Variants in GPRIN3 observed in about 807,000 individuals in gnomAD.
GPRIN3 encodes the protein GPRIN family member 3, also known as G protein-regulated inducer of neurite outgrowth 3.
In GPRIN3, 12 loss-of-function variants were observed where a neutral mutation model predicts 13.7. That is an observed-to-expected ratio of 0.87 (90% CI 0.56 to 1.42). GPRIN3 has a LOEUF of 1.42. GPRIN3 is among the 40% of genes most tolerant of loss of function. The pLI is 0.00. For missense variants in GPRIN3, 1,009 were observed against 958.7 expected, an observed-to-expected ratio of 1.05 and a Z score of -0.69; for synonymous variants, 377 against 372.7, an observed-to-expected ratio of 1.01 and a Z score of -0.13.
chr4:89,248,530 C>T lies in GPRIN3; in HGVS notation c.1581G>A (p.Leu527=). ...TTGCATCTCCTTTATTAGTGGGATCCAAGCTCCCAGAATGATCAGCTTTGC... is the reference window on the plus strand; with the variant it reads ...TTGCATCTCCTTTATTAGTGGGATCTAAGCTCCCAGAATGATCAGCTTTGC... ...SISKADHSGS[L]DPTNKGDARE... Residue 527 remains leucine (L), a synonymous_variant, in exon 2 of 2, where the codon TTG becomes TTA. Transcript: ENST00000609438. 1 of 1,613,324 alleles carries T rather than the reference C, an allele frequency of 6.2e-7. No individual in the cohort carries two copies. Among genetic ancestry groups the T allele is most frequent in the Non-Finnish European group, 8.5e-7 (1 of 1,179,436 alleles).
chr4:89,252,174 T>C (rs7657325), intron 1 of GPRIN3, among the ~76,000 whole-genome samples: 1,935 of 152,184 alleles, frequency 0.013, 34 homozygotes, highest in African/African-American at 0.045. Flanking sequence ...AGTCTCTCCA[T>C]GTTGCCCAGG....
intron 1 of GPRIN3, among the ~76,000 whole-genome samples, chr4:89,277,308 G>A (rs973837201): frequency 4.6e-5 from 7 of 152,184 alleles, no homozygotes; most frequent in African/African-American, 1.7e-4. Context: ...CGAGGCATGA[G>A]TGATGTGCAG....
Position 89,248,729 on chromosome 4 carries a change from C to A in GPRIN3, c.1382G>T (p.Ser461Ile). ...TAKKLAGTNS[S>I]SLKATAIDQI... is the part of the protein sequence containing the mutation. ...GTCAATGGCGGTAGCTTTCAGGGAG[C>A]TAGAATTAGTACCTGCGAGCTTTTT... The change falls in exon 2 of 2, where the codon AGC becomes ATC. Residue 461 changes from serine (S) to isoleucine (I), a missense_variant. By Grantham distance (142) the Ser-to-Ile change is moderately radical. Coordinates refer to ENST00000609438, the MANE Select transcript of GPRIN3 (RefSeq NM_198281.3). The A allele has an allele frequency of 6.2e-7, 1 of 1,614,180 alleles. No individual in the cohort carries two copies. The highest frequency in any genetic ancestry group is 1.1e-5 in the South Asian group (1 of 91,084).
chr4:89,290,839 G>C (rs1724551318), intron 1 of GPRIN3, among the ~76,000 whole-genome samples: 1 of 152,094 alleles, frequency 6.6e-6, no homozygotes, highest in African/African-American at 2.4e-5. Flanking sequence ...GTTGGGGAGA[G>C]ACTGCCGCAT....
intron 1 of GPRIN3, among the ~76,000 whole-genome samples, chr4:89,293,351 T>C (rs936930910): frequency 6.6e-6 from 1 of 152,228 alleles, no homozygotes; most frequent in Admixed American, 6.5e-5. Flanking sequence ...TTCATTCCAG[T>C]TGGCTACAAA....
rs750603293 is a variant in GPRIN3 at position 89,248,863 on chromosome 4, C to T, written c.1248G>A (p.Gly416=). ...RENKLASLPG[G]VLKTSSINLV... is the part of the protein sequence containing the mutation. ...AATTGATTGATGAGGTTTTAAGGAC[C>T]CCACCTGGTAGGCTCGCAAGTTTAT... Residue 416 remains glycine (G), a synonymous_variant, in exon 2 of 2, where the codon GGG becomes GGA. Transcript: ENST00000609438. The T allele has an allele frequency of 6.2e-7, 1 of 1,614,138 alleles. No individual in the cohort carries two copies. The highest frequency in any genetic ancestry group is 1.1e-5 in the South Asian group (1 of 91,090).
At chr4:89,279,805 C>A (rs1724196643) in intron 1 of GPRIN3, among the ~76,000 whole-genome samples, 1 of 152,164 alleles carries the variant, frequency 6.6e-6, no homozygotes, top group African/African-American at 2.4e-5. Flanking sequence ...TTTCTCAGTT[C>A]ATTTCCTAAA....
chr4:89,289,519 C>T (rs1724514495), intron 1 of GPRIN3, among the ~76,000 whole-genome samples: 1 of 152,178 alleles, frequency 6.6e-6, no homozygotes, highest in Non-Finnish European at 1.5e-5. Context: ...CTGTTACACT[C>T]ATATAGCTCT....
chr4:89,249,308 G>T lies in GPRIN3; in HGVS notation c.803C>A (p.Thr268Asn), dbSNP rs1229301199. 3.1e-6 allele frequency: 5 copies of T among 1,613,984 alleles called. No individual in the cohort carries two copies. The Admixed American group carries it at 6.7e-5, about 22-fold the overall frequency. The change falls in exon 2 of 2, where the codon ACC (threonine) becomes AAC (asparagine). Residue 268 changes from threonine (T) to asparagine (N), a missense_variant. Thr to Asn is a moderately conservative substitution (Grantham distance 65). Coordinates refer to ENST00000609438, the MANE Select transcript of GPRIN3 (RefSeq NM_198281.3). ...QGTTSVTPQPTPLTSEPSACP... is the reference protein window; with the variant it reads ...QGTTSVTPQPNPLTSEPSACP... ...TGCCGAAGGTTCGCTAGTGAGGGGG[G>T]TTGGTTGAGGTGTCACAGAAGTTGT...
At chr4:89,304,684 T>C (rs1560488) in intron 1 of GPRIN3, among the ~76,000 whole-genome samples, 121,292 of 152,092 alleles carry the variant, frequency 0.8, 48,557 homozygotes, top group East Asian at 0.99. Flanking sequence ...TTGTTCAGTC[T>C]GTTTTTTACA....
At position 89,262,117 on chromosome 4, in the gene GPRIN3, C is replaced by G. The variant is rs541732461; in HGVS notation, c.-123-11884G>C. On this transcript the variant is annotated intron_variant, in intron 1 of 1. Coordinates refer to ENST00000609438, the MANE Select transcript of GPRIN3 (RefSeq NM_198281.3). ...CTCCAGCCTAGATGACGGAGTGAGACCCAGTCTCAAAAAAAAAAAAAAAAA... is the reference window on the plus strand; with the variant it reads ...CTCCAGCCTAGATGACGGAGTGAGAGCCAGTCTCAAAAAAAAAAAAAAAAA... Among the ~76,000 whole-genome samples the G allele has an allele frequency of 5.1e-3, 725 of 142,992 alleles. 7 individuals are homozygous for G. The highest frequency in any genetic ancestry group is 0.017 in the Middle Eastern group (5 of 286). 93.8% of individuals were successfully genotyped at this position (142,992 alleles called of 152,430 possible). A position where few individuals can be genotyped will look rare whatever the true frequency, so the allele number is the denominator to read the frequency against.
At position 89,249,255 on chromosome 4, in the gene GPRIN3, G is replaced by A. The variant is rs190865809; in HGVS notation, c.856C>T (p.Leu286=). The A allele has an allele frequency of 9.7e-5, 157 of 1,614,114 alleles. 1 individual carries two copies. In the East Asian group the frequency reaches 3.1e-3, roughly 32 times the overall value. ...ACPPGPEKVP[L]PAQRQMSRFK... is the part of the protein sequence containing the mutation. ...CTTGACATCTGACGCTGTGCTGGCA[G>A]CGGCACCTTCTCTGGACCTGGGGGA... Residue 286 remains leucine (L), a synonymous_variant, in exon 2 of 2, where the codon CTG becomes TTG. Transcript: ENST00000609438.
chr4:89,247,584 T>A lies in GPRIN3; in HGVS notation c.*196A>T. The stretch of plus-strand genomic sequence containing the variant: ...AAGCTTGTTTCTCTTTTCTTGTTCC[T>A]TCTTTCAAATTGAAATGACATTTTT... On this transcript the variant is annotated 3_prime_UTR_variant, in exon 2 of 2. Transcript: ENST00000609438. The A allele has an allele frequency of 1.9e-6, 1 of 512,886 alleles. No homozygotes were observed. Among genetic ancestry groups the A allele is most frequent in the Non-Finnish European group, 3.4e-6 (1 of 293,198 alleles). The allele number at this position is 512,886 out of a possible 1,614,324, so 31.8% of individuals were successfully genotyped here.
chr4:89,250,195 T>A lies in GPRIN3; in HGVS notation c.-85A>T, dbSNP rs897762981. 7 of 1,523,212 alleles carry A rather than the reference T, an allele frequency of 4.6e-6. No individual in the cohort carries two copies. Among genetic ancestry groups the A allele is most frequent in the Middle Eastern group, 2.5e-4 (1 of 4,038 alleles). 94.4% of individuals were successfully genotyped at this position (1,523,212 alleles called of 1,614,324 possible). Reference sequence around the variant, plus strand: ...AGGGGAGCGCAGTCAGAGCTCAGAGTGATGACACAGTCAGGGATGATTCCT... The same window carrying A: ...AGGGGAGCGCAGTCAGAGCTCAGAGAGATGACACAGTCAGGGATGATTCCT... On this transcript the variant is annotated 5_prime_UTR_variant, in exon 2 of 2. Transcript: ENST00000609438.
intron 1 of GPRIN3, among the ~76,000 whole-genome samples, chr4:89,297,879 C>T (rs978587441): frequency 2.0e-5 from 3 of 152,104 alleles, no homozygotes; most frequent in Non-Finnish European, 2.9e-5. Context: ...TCTAAAACAG[C>T]GGCCCTTAAG....
intron 1 of GPRIN3, among the ~76,000 whole-genome samples, chr4:89,286,066 T>C (rs909987997): frequency 1.4e-5 from 2 of 140,558 alleles, no homozygotes; most frequent in Non-Finnish European, 3.1e-5. Flanking sequence ...GTTGCTCAAT[T>C]ACATGTGTAC....
intron 1 of GPRIN3, among the ~76,000 whole-genome samples, chr4:89,254,970 A>C (rs1217788161): frequency 6.6e-6 from 1 of 152,178 alleles, no homozygotes; most frequent in Non-Finnish European, 1.5e-5. Flanking sequence ...CGCTGAGAAG[A>C]ACTGTCCCCC....
intron 1 of GPRIN3, among the ~76,000 whole-genome samples, chr4:89,264,954 C>A (rs1319369775): frequency 2.6e-5 from 4 of 152,100 alleles, no homozygotes; most frequent in Admixed American, 6.6e-5. Context: ...ACCCTAAGTG[C>A]CTAGATCAGG....
At chr4:89,295,406 C>T (rs1160182147) in intron 1 of GPRIN3, among the ~76,000 whole-genome samples, 1 of 152,144 alleles carries the variant, frequency 6.6e-6, no homozygotes, top group African/African-American at 2.4e-5. Context: ...CAAATATATT[C>T]ATTTTACACA....
Sources: allele counts gnomAD v4.1 joint callset (sites outside exome capture counted in the v4.1 genomes callset), GRCh38; gene constraint gnomAD v4.1.1; transcripts MANE v1.5; gene names NCBI Gene and HGNC (gene_info 2026-07-23, HGNC 2026-07-21).